CSMD1: variants seen among roughly 807,000 people sequenced by gnomAD.
CSMD1 encodes CUB and sushi domain-containing protein 1.
Under a neutral mutation model 417.5 loss-of-function variants are expected in CSMD1, and 213 were observed. The observed-to-expected ratio is 0.51, with a 90% CI of 0.46 to 0.57. CSMD1 has a LOEUF of 0.57. Among genes scored for constraint, CSMD1 ranks in the 20% least tolerant of loss-of-function variants. CSMD1 has a pLI of 0.00. For synonymous variants in CSMD1, 2,862 were observed against 1,736.8 expected (o/e 1.65, Z -16.11); for missense variants, 6,923 against 4,529.7 (o/e 1.53, Z -15.17).
intron 1 of CSMD1, among the ~76,000 whole-genome samples, chr8:4,819,621 G>C (rs1366929018): frequency 2.6e-5 from 4 of 152,056 alleles, no homozygotes; most frequent in Admixed American, 1.3e-4. Context: ...TTTAAGATTG[G>C]AATATCAAAT....
At chr8:3,342,804 T>C (rs1807745957) in intron 23 of CSMD1, among the ~76,000 whole-genome samples, 2 of 152,118 alleles carry the variant, frequency 1.3e-5, no homozygotes, top group Non-Finnish European at 2.9e-5. Flanking sequence ...CAAAAATTAA[T>C]GGTGAAAAGA....
intron 41 of CSMD1, among the ~76,000 whole-genome samples, chr8:3,139,425 G>T (rs545770800): frequency 6.6e-6 from 1 of 152,134 alleles, no homozygotes. Context: ...GGAAAAGGGC[G>T]TCAAGAGAAA....
intron 3 of CSMD1, among the ~76,000 whole-genome samples, chr8:4,311,000 T>C (rs886288842): frequency 3.3e-5 from 5 of 152,078 alleles, no homozygotes; most frequent in East Asian, 1.9e-4. Context: ...ACAAAGATAA[T>C]AGAAAGTGGC....
chr8:4,708,688 G>C (rs966337790), intron 1 of CSMD1, among the ~76,000 whole-genome samples: 3 of 151,268 alleles, frequency 2.0e-5, no homozygotes, highest in Non-Finnish European at 2.9e-5. Context: ...TTTTTTTTAA[G>C]AGAAAGATTT....
chr8:4,328,804 T>C (rs1386594579), intron 3 of CSMD1, among the ~76,000 whole-genome samples: 1 of 152,206 alleles, frequency 6.6e-6, no homozygotes, highest in East Asian at 1.9e-4. Context: ...GAAATAAACT[T>C]CCAAAAATAA....
Position 4,396,961 on chromosome 8 carries a change from T to C in CSMD1, c.415+22992A>G, listed in dbSNP as rs532367275. On this transcript the variant is annotated intron_variant, in intron 3 of 69. Transcript: ENST00000635120. ...TGCCTGGGTGATGAGTGCACCAAAG[T>C]CTCAGAAATCACTAAAGGACCTATT... Among the ~76,000 whole-genome samples the C allele has an allele frequency of 2.0e-5, 3 of 151,762 alleles. No homozygotes were observed. In the South Asian group the frequency reaches 6.2e-4, roughly 32 times the overall value.
intron 17 of CSMD1, among the ~76,000 whole-genome samples, chr8:3,393,344 AC>A (rs1295519747): frequency 4.6e-5 from 7 of 152,194 alleles, no homozygotes; most frequent in Admixed American, 4.6e-4. Flanking sequence ...GAGACTTCCA[AC>A]AAGGTGGAAA....
At chr8:3,837,043 A>G (rs900230328) in intron 5 of CSMD1, among the ~76,000 whole-genome samples, 1 of 152,034 alleles carries the variant, frequency 6.6e-6, no homozygotes, top group African/African-American at 2.4e-5. Flanking sequence ...GGCTGGGTCA[A>G]TTGATGCCCA....
chr8:4,675,279 G>T (rs925160370), intron 1 of CSMD1, among the ~76,000 whole-genome samples: 2 of 152,138 alleles, frequency 1.3e-5, no homozygotes, highest in Non-Finnish European at 2.9e-5. Context: ...TATCTCTGAA[G>T]GGGCATTGTT....
At chr8:4,207,585 T>A (rs188711165) in intron 3 of CSMD1, among the ~76,000 whole-genome samples, 1 of 152,186 alleles carries the variant, frequency 6.6e-6, no homozygotes, top group East Asian at 1.9e-4. Context: ...AACTGAAATA[T>A]TAGGTTTAAT....
At chr8:3,230,726 T>A (rs531921887) in intron 26 of CSMD1, among the ~76,000 whole-genome samples, 1 of 152,216 alleles carries the variant, frequency 6.6e-6, no homozygotes, top group East Asian at 1.9e-4. Context: ...GACCAGTGAG[T>A]TATACCCAGG....
rs768938627 is a variant in CSMD1, at chr8:3,478,964, G to C, written c.1449-10140C>G. On this transcript the variant is annotated intron_variant, in intron 11 of 69. Transcript: ENST00000635120. ...GGAATAGGTGACGGGGCACTGCAAA[G>C]AGTGGTCCCTCCGACCTCCCTCATC... Among the ~76,000 whole-genome samples, 18 of 152,036 alleles carry C rather than the reference G, an allele frequency of 1.2e-4. 1 individual carries two copies. In the South Asian group the frequency reaches 3.7e-3, roughly 32 times the overall value.
chr8:2,952,610 G>A (rs569413173), intron 65 of CSMD1, among the ~76,000 whole-genome samples: 6 of 152,164 alleles, frequency 3.9e-5, no homozygotes, highest in East Asian at 3.9e-4. Flanking sequence ...CACAACAGAG[G>A]CCCCCATTTT....
At chr8:4,316,966 C>A (rs184530534) in intron 3 of CSMD1, among the ~76,000 whole-genome samples, 12 of 150,470 alleles carry the variant, frequency 8.0e-5, no homozygotes, top group African/African-American at 2.9e-4. Flanking sequence ...TACGAAAACT[C>A]AAGAGTAAAT....
chr8:3,201,352 G>A (rs1236249490), intron 32 of CSMD1, among the ~76,000 whole-genome samples: 8 of 151,896 alleles, frequency 5.3e-5, no homozygotes, highest in South Asian at 2.1e-4. Flanking sequence ...CCTCTTTTTC[G>A]GATCTTTGCA....
At chr8:4,454,137 A>T (rs77395733) in intron 2 of CSMD1, among the ~76,000 whole-genome samples, 16,306 of 151,812 alleles carry the variant, frequency 0.11, 1,117 homozygotes, top group South Asian at 0.21. Flanking sequence ...TTCATTCTTG[A>T]TTCCTCCTAC....
At chr8:4,831,086 T>A (rs1800123196) in intron 1 of CSMD1, among the ~76,000 whole-genome samples, 2 of 152,226 alleles carry the variant, frequency 1.3e-5, no homozygotes, top group South Asian at 4.1e-4. Context: ...GTGGGAGGGA[T>A]GTTTTTTCCA....
chr8:4,340,972 G>C (rs974651136), intron 3 of CSMD1, among the ~76,000 whole-genome samples: 23 of 152,188 alleles, frequency 1.5e-4, no homozygotes, highest in African/African-American at 5.1e-4. Flanking sequence ...TTTATTTCAA[G>C]CTGATGGATT....
At chr8:3,197,314 G>T (rs537155660) in intron 33 of CSMD1, among the ~76,000 whole-genome samples, 2 of 152,234 alleles carry the variant, frequency 1.3e-5, no homozygotes, top group African/African-American at 4.8e-5. Flanking sequence ...ACAGAACTGT[G>T]TCTGTTAACA....
Sources: allele counts gnomAD v4.1 joint callset (sites outside exome capture counted in the v4.1 genomes callset), GRCh38; gene constraint gnomAD v4.1.1; transcripts MANE v1.5; gene names NCBI Gene and HGNC (gene_info 2026-07-23, HGNC 2026-07-21).